DMD: variants seen among roughly 807,000 people sequenced by gnomAD.
The protein encoded by DMD is mutant dystrophin.
In DMD, 63 loss-of-function variants were observed where a neutral mutation model predicts 330.1. The ratio of observed to expected loss-of-function variants is 0.19; its 90% CI spans 0.16 to 0.24. The LOEUF is 0.24. Among genes scored for constraint, DMD ranks in the 10% least tolerant of loss-of-function variants. DMD has a pLI of 1.00. For synonymous variants in DMD, 1,223 were observed against 959.8 expected, an observed-to-expected ratio of 1.27 and a Z score of -5.07; for missense variants, 3,344 against 2,684.1, an observed-to-expected ratio of 1.25 and a Z score of -5.43.
At chrX:32,874,268 A>AT (rs2083217021) in intron 2 of DMD, among the ~76,000 whole-genome samples, 1 of 112,169 alleles carries the variant, frequency 8.9e-6, no homozygotes, top group Non-Finnish European at 1.9e-5. Context: ...ATTTTTACAG[A>AT]GAGCCAAAGT....
chrX:32,060,388 G>C (rs2096214235), intron 44 of DMD, among the ~76,000 whole-genome samples: 1 of 111,184 alleles, frequency 9.0e-6, no homozygotes, highest in Admixed American at 9.6e-5. Context: ...ACCTTCTACA[G>C]CTATTGAAAA....
chrX:31,894,333 T>C (rs1301037692), intron 47 of DMD, among the ~76,000 whole-genome samples: 4 of 111,771 alleles, frequency 3.6e-5, no homozygotes, highest in Non-Finnish European at 7.5e-5. Context: ...CTACACCAAA[T>C]GGCTAACAAT....
intron 9 of DMD, among the ~76,000 whole-genome samples, chrX:32,652,128 C>A (rs774677066): frequency 9.0e-6 from 1 of 111,141 alleles, no homozygotes; most frequent in Non-Finnish European, 1.9e-5. Context: ...GGTTCTAGAG[C>A]CAAAAACATT....
chrX:32,129,792 A>AT (rs752229941), intron 44 of DMD, among the ~76,000 whole-genome samples: 96 of 108,116 alleles, frequency 8.9e-4, no homozygotes, highest in African/African-American at 1.1e-3. Flanking sequence ...TATGTCCAAG[A>AT]TTTTTTCCTT....
chrX:32,398,410 A>T (rs1417727707), intron 30 of DMD, among the ~76,000 whole-genome samples: 1 of 110,691 alleles, frequency 9.0e-6, no homozygotes, highest in Non-Finnish European at 1.9e-5. Context: ...GTTCCTTGAC[A>T]TATGAGTTTT....
At chrX:31,672,138 C>G (rs73617096) in intron 53 of DMD, among the ~76,000 whole-genome samples, 14 of 111,536 alleles carry the variant, frequency 1.3e-4, no homozygotes, top group African/African-American at 4.2e-4. Context: ...TTTGTATTTT[C>G]TTATTTCTTC....
chrX:32,326,979 A>C (rs1453519149), intron 41 of DMD, among the ~76,000 whole-genome samples: 1 of 110,633 alleles, frequency 9.0e-6, no homozygotes, highest in African/African-American at 3.3e-5. Flanking sequence ...CATAAGTATA[A>C]AATGAAATAA....
At chrX:32,287,134 AT>A (rs931300271) in intron 43 of DMD, among the ~76,000 whole-genome samples, 8 of 111,643 alleles carry the variant, frequency 7.2e-5, no homozygotes, top group African/African-American at 9.8e-5. Context: ...ATGAAAATCA[AT>A]TTTTTTATTG....
At chrX:31,501,804 A>G (rs754058604) in intron 56 of DMD, among the ~76,000 whole-genome samples, 1 of 112,030 alleles carries the variant, frequency 8.9e-6, no homozygotes, top group Non-Finnish European at 1.9e-5. Context: ...TATAAAACTA[A>G]TGATATATCC....
chrX:32,564,744 G>C (rs766291517), intron 16 of DMD, among the ~76,000 whole-genome samples: 1 of 111,510 alleles, frequency 9.0e-6, no homozygotes, highest in Non-Finnish European at 1.9e-5. Context: ...TTGTATTCCT[G>C]GAGGCAATAC....
intron 44 of DMD, among the ~76,000 whole-genome samples, chrX:32,200,463 TGTAAC>T (rs2147711281): frequency 9.6e-6 from 1 of 104,513 alleles, no homozygotes; most frequent in Admixed American, 1.1e-4. Flanking sequence ...ACAATACATA[TGTAAC>T]GTGTTATATA....
intron 44 of DMD, among the ~76,000 whole-genome samples, chrX:32,161,544 G>T (rs973794891): frequency 2.7e-5 from 3 of 111,729 alleles, no homozygotes; most frequent in African/African-American, 9.8e-5. Flanking sequence ...TTAAATACAA[G>T]AAAATATTTA....
intron 2 of DMD, among the ~76,000 whole-genome samples, chrX:32,881,343 C>T (rs1233030007): frequency 8.9e-6 from 1 of 112,616 alleles, no homozygotes. Flanking sequence ...TCTGTGAAGA[C>T]AATTATGATT....
intron 2 of DMD, among the ~76,000 whole-genome samples, chrX:33,008,613 G>A (rs1387698897): frequency 2.7e-5 from 3 of 109,307 alleles, no homozygotes; most frequent in African/African-American, 1.0e-4. Context: ...GAAATTTGCG[G>A]ATACAGTCAA....
At chrX:32,558,181 G>A (rs190806651) in intron 16 of DMD, among the ~76,000 whole-genome samples, 1 of 111,171 alleles carries the variant, frequency 9.0e-6, no homozygotes, top group Non-Finnish European at 1.9e-5. Context: ...AGTACAAATT[G>A]TATCAGAAAG....
chrX:32,934,896 A>T (rs1364762152), intron 2 of DMD, among the ~76,000 whole-genome samples: 5 of 112,694 alleles, frequency 4.4e-5, no homozygotes, highest in Non-Finnish European at 7.5e-5. Context: ...TCACACATGC[A>T]TGTATGCCAA....
chrX:32,613,756 T>A (rs1053998281), intron 12 of DMD, among the ~76,000 whole-genome samples: 1 of 111,750 alleles, frequency 8.9e-6, no homozygotes, highest in African/African-American at 3.2e-5. Context: ...ATGTTTGATT[T>A]CTTTTCCAAA....
At chrX:32,729,700 T>G (rs888931812) in intron 7 of DMD, among the ~76,000 whole-genome samples, 1 of 112,047 alleles carries the variant, frequency 8.9e-6, no homozygotes, top group East Asian at 2.8e-4. Context: ...TGTATACTTA[T>G]GTCTCTTAAG....
At chrX:31,437,448 G>A (rs1358345950) in intron 60 of DMD, among the ~76,000 whole-genome samples, 3 of 111,465 alleles carry the variant, frequency 2.7e-5, no homozygotes, top group African/African-American at 9.8e-5. Context: ...AATTTCTGGG[G>A]GCGGATTGGT....
Sources: gnomAD v4.1 joint callset for allele counts (sites outside exome capture counted in the v4.1 genomes callset) on GRCh38, gnomAD v4.1.1 for gene constraint, MANE v1.5 for transcripts, NCBI Gene and HGNC (gene_info 2026-07-23, HGNC 2026-07-21) for gene names.